Variants in LPAR1 observed in about 807,000 individuals in gnomAD.
LPAR1 encodes LPA receptor 1.
Under a neutral mutation model 23.8 loss-of-function variants are expected in LPAR1, and 5 were observed. The ratio of observed to expected loss-of-function variants is 0.21; its 90% CI spans 0.11 to 0.44. LPAR1 has a LOEUF of 0.44. Among genes scored for constraint, LPAR1 ranks in the 20% least tolerant of loss-of-function variants. LPAR1 has a pLI of 0.99. For missense variants in LPAR1, 311 were observed against 482.8 expected, an observed-to-expected ratio of 0.64 and a Z score of 3.33; for synonymous variants, 160 against 164.7, an observed-to-expected ratio of 0.97 and a Z score of 0.22.
chr9:111,019,044 A>C (rs1387966209), intron 2 of LPAR1, among the ~76,000 whole-genome samples: 15 of 152,258 alleles, frequency 9.9e-5, no homozygotes, highest in Admixed American at 9.8e-4. Flanking sequence ...ATAAAATAGA[A>C]CATAATAGAA....
At chr9:110,937,087 A>C (rs1253693365) in intron 5 of LPAR1, among the ~76,000 whole-genome samples, 3 of 152,188 alleles carry the variant, frequency 2.0e-5, no homozygotes, top group African/African-American at 7.2e-5. Context: ...CTCAATCAGA[A>C]GCCATCAGTT....
chr9:110,960,370 T>G (rs2095920047), intron 4 of LPAR1, among the ~76,000 whole-genome samples: 1 of 152,194 alleles, frequency 6.6e-6, no homozygotes, highest in Non-Finnish European at 1.5e-5. Context: ...TACTATATAT[T>G]TTTTATGTTT....
At chr9:110,883,606 A>ATC (rs1197593682) in intron 5 of LPAR1, among the ~76,000 whole-genome samples, 6 of 152,362 alleles carry the variant, frequency 3.9e-5, no homozygotes, top group African/African-American at 1.4e-4. Context: ...TGATGCCCTT[A>ATC]ATTCTCTTAC....
chr9:110,996,971 T>C (rs2097023764), intron 2 of LPAR1, among the ~76,000 whole-genome samples: 1 of 152,196 alleles, frequency 6.6e-6, no homozygotes, highest in African/African-American at 2.4e-5. Flanking sequence ...CACACTGATT[T>C]CTTTTGGCCC....
At chr9:110,945,901 T>A (rs2095360816) in intron 4 of LPAR1, among the ~76,000 whole-genome samples, 2 of 152,192 alleles carry the variant, frequency 1.3e-5, no homozygotes, top group African/African-American at 2.4e-5. Context: ...GTGATTACAC[T>A]GAGCCCACCC....
intron 5 of LPAR1, among the ~76,000 whole-genome samples, chr9:110,888,814 T>C (rs900239440): frequency 6.6e-6 from 1 of 152,104 alleles, no homozygotes; most frequent in African/African-American, 2.4e-5. Flanking sequence ...AGCTGATATG[T>C]ATGGCTAACA....
intron 2 of LPAR1, among the ~76,000 whole-genome samples, chr9:110,974,263 TA>T: frequency 6.6e-6 from 1 of 152,336 alleles, no homozygotes; most frequent in Non-Finnish European, 1.5e-5. Flanking sequence ...GAACACTTTT[TA>T]AACTATTGGG....
intron 5 of LPAR1, among the ~76,000 whole-genome samples, chr9:110,899,686 T>C (rs2087938103): frequency 6.6e-6 from 1 of 152,248 alleles, no homozygotes; most frequent in Admixed American, 6.5e-5. Flanking sequence ...GAGTGGGACC[T>C]GAGAATCAGC....
intron 5 of LPAR1, among the ~76,000 whole-genome samples, chr9:110,879,183 G>A (rs954314108): frequency 1.3e-5 from 2 of 152,096 alleles, no homozygotes; most frequent in Admixed American, 6.5e-5. Flanking sequence ...TTGGGAGGCC[G>A]AGGTGGGTGG....
At chr9:111,022,822 G>A (rs1284920693) in intron 2 of LPAR1, among the ~76,000 whole-genome samples, 2 of 152,050 alleles carry the variant, frequency 1.3e-5, no homozygotes, top group South Asian at 2.1e-4. Context: ...AGGCCAAGGC[G>A]GGCGGATTAC....
intron 5 of LPAR1, among the ~76,000 whole-genome samples, chr9:110,916,538 G>C (rs191139569): frequency 6.6e-6 from 1 of 152,274 alleles, no homozygotes; most frequent in East Asian, 1.9e-4. Flanking sequence ...AATAAGTATT[G>C]CATGCAGGCT....
chr9:110,969,826 G>C (rs1444838095), intron 4 of LPAR1, among the ~76,000 whole-genome samples: 1 of 152,020 alleles, frequency 6.6e-6, no homozygotes, highest in Non-Finnish European at 1.5e-5. Flanking sequence ...TGTACTTCTT[G>C]GTTTGCAACC....
chr9:111,001,685 C>A (rs1588785720), intron 2 of LPAR1, among the ~76,000 whole-genome samples: 1 of 152,120 alleles, frequency 6.6e-6, no homozygotes, highest in East Asian at 1.9e-4. Context: ...ATTTCTGAAC[C>A]CTTCTACTGT....
At chr9:110,998,500 G>A (rs2097064061) in intron 2 of LPAR1, among the ~76,000 whole-genome samples, 1 of 152,152 alleles carries the variant, frequency 6.6e-6, no homozygotes, top group Non-Finnish European at 1.5e-5. Context: ...CTGAGGGCAG[G>A]TGTTACCATT....
intron 2 of LPAR1, among the ~76,000 whole-genome samples, chr9:111,030,425 T>C (rs1370129609): frequency 6.6e-6 from 1 of 152,196 alleles, no homozygotes; most frequent in South Asian, 2.1e-4. Context: ...ATCCTTATCA[T>C]CTGCTGATTA....
chr9:110,963,727 G>A (rs997281197), intron 4 of LPAR1, among the ~76,000 whole-genome samples: 2 of 151,994 alleles, frequency 1.3e-5, no homozygotes, highest in African/African-American at 4.8e-5. Context: ...ACTAACATAC[G>A]TCAGGTATCT....
intron 4 of LPAR1, among the ~76,000 whole-genome samples, chr9:110,967,157 G>A (rs770119773): frequency 2.0e-5 from 3 of 152,038 alleles, no homozygotes; most frequent in Non-Finnish European, 4.4e-5. Flanking sequence ...TTACAAACAC[G>A]GCATCTTCTT....
At chr9:110,883,030 A>G (rs580721) in intron 5 of LPAR1, among the ~76,000 whole-genome samples, 61,369 of 151,960 alleles carry the variant, frequency 0.4, 12,621 homozygotes, top group East Asian at 0.55. Context: ...AAACCGAATT[A>G]TATCTTGAAT....
At chr9:110,928,666 G>A (rs1359729097) in intron 5 of LPAR1, among the ~76,000 whole-genome samples, 1 of 152,106 alleles carries the variant, frequency 6.6e-6, no homozygotes, top group Non-Finnish European at 1.5e-5. Flanking sequence ...TTTTGCTTTA[G>A]TTCAGAAACT....
Sources: gnomAD v4.1 joint callset for allele counts (sites outside exome capture counted in the v4.1 genomes callset) on GRCh38, gnomAD v4.1.1 for gene constraint, MANE v1.5 for transcripts, NCBI Gene and HGNC (gene_info 2026-07-23, HGNC 2026-07-21) for gene names.